PEX5L: variants seen among roughly 807,000 people sequenced by gnomAD.
The protein encoded by PEX5L is peroxisomal biogenesis factor 5 like.
PEX5L carries 30 observed loss-of-function variants against 84.0 expected under a neutral mutation model. That is an observed-to-expected ratio of 0.36 (90% CI 0.27 to 0.48). The LOEUF (loss-of-function observed/expected upper bound fraction) is 0.48. Among genes scored for constraint, PEX5L ranks in the 20% least tolerant of loss-of-function variants. The probability of loss-of-function intolerance (pLI) is 0.99; values close to 1 mark genes in which losing one functional copy is unlikely to be tolerated. For missense variants in PEX5L, 533 were observed against 754.6 expected (o/e 0.71, Z 3.44); for synonymous variants, 270 against 283.1 (o/e 0.95, Z 0.46).
chr3:179,798,709 G>GAAAT lies in PEX5L; in HGVS notation c.*3115_*3118dup, dbSNP rs1426223896. The GAAAT allele has an allele frequency of 6.6e-6, 1 of 152,076 alleles. No homozygotes were observed. Among genetic ancestry groups the GAAAT allele is most frequent in the Non-Finnish European group, 1.5e-5 (1 of 68,004 alleles). The allele number at this position is 152,076 out of a possible 1,614,324, so 9.4% of individuals were successfully genotyped here. ...AGCCTTCTCAGAGTACCTCAGAAGGGAAATAAGGATACCCTCCCCTTTCAA... is the reference window on the plus strand; with the variant it reads ...AGCCTTCTCAGAGTACCTCAGAAGGGAAATAAATAAGGATACCCTCCCCTTTCAA... On this transcript the variant is annotated 3_prime_UTR_variant, in exon 15 of 15. Coordinates refer to ENST00000467460, the MANE Select transcript of PEX5L (RefSeq NM_016559.3).
intron 1 of PEX5L, among the ~76,000 whole-genome samples, chr3:179,994,075 T>A (rs9854791): frequency 6.6e-6 from 1 of 152,196 alleles, no homozygotes; most frequent in South Asian, 2.1e-4. Context: ...AATGTCACTT[T>A]CAATGTCTGT....
chr3:179,834,767 T>C (rs982455230), intron 8 of PEX5L, among the ~76,000 whole-genome samples: 1 of 152,182 alleles, frequency 6.6e-6, no homozygotes, highest in African/African-American at 2.4e-5. Context: ...TTAGAATGAT[T>C]GGAAAAGCTA....
At chr3:179,920,855 T>A (rs543860357) in intron 2 of PEX5L, among the ~76,000 whole-genome samples, 26 of 152,310 alleles carry the variant, frequency 1.7e-4, no homozygotes, top group African/African-American at 6.0e-4. Context: ...ATAATGGATA[T>A]AAGTTAACTT....
chr3:180,022,535 T>C (rs1027654664), intron 1 of PEX5L, among the ~76,000 whole-genome samples: 7 of 152,186 alleles, frequency 4.6e-5, no homozygotes, highest in African/African-American at 1.7e-4. Flanking sequence ...AAGTAATACA[T>C]GAAACACTTG....
At chr3:179,853,390 A>C (rs765334809) in intron 8 of PEX5L, among the ~76,000 whole-genome samples, 1 of 152,128 alleles carries the variant, frequency 6.6e-6, no homozygotes, top group East Asian at 1.9e-4. Flanking sequence ...TTGATGAAGG[A>C]GGTATTTTTG....
Position 179,874,572 on chromosome 3 carries a change from T to C in PEX5L, c.630-149A>G, listed in dbSNP as rs550470999. 30 of 536,732 alleles carry C rather than the reference T, an allele frequency of 5.6e-5. No homozygotes were observed. The South Asian group carries it at 7.3e-4, about 13-fold the overall frequency. The allele number at this position is 536,732 out of a possible 1,614,324, so 33.2% of individuals were successfully genotyped here. A position where few individuals can be genotyped will look rare whatever the true frequency, so the allele number is the denominator to read the frequency against. On this transcript the variant is annotated intron_variant, in intron 6 of 14. Coordinates refer to ENST00000467460, the MANE Select transcript of PEX5L (RefSeq NM_016559.3). ...TGATGATAGAGATAAGTTTCATGTA[T>C]TTCTATTATAATGGTCACTTTCAGA... is the stretch of plus-strand genomic sequence containing the variant.
intron 8 of PEX5L, among the ~76,000 whole-genome samples, chr3:179,847,501 G>C (rs1175708399): frequency 1.3e-5 from 2 of 152,114 alleles, no homozygotes; most frequent in Non-Finnish European, 2.9e-5. Context: ...GCATATTAAA[G>C]CATATTATAT....
chr3:179,876,495 T>TAA (rs566975818), intron 5 of PEX5L, among the ~76,000 whole-genome samples: 1 of 138,696 alleles, frequency 7.2e-6, no homozygotes, highest in African/African-American at 2.6e-5. Flanking sequence ...AAACTCTGTC[T>TAA]AAAAAAAAAA....
At chr3:179,863,195 G>C (rs1374179082) in intron 7 of PEX5L, among the ~76,000 whole-genome samples, 2 of 152,082 alleles carry the variant, frequency 1.3e-5, no homozygotes, top group Non-Finnish European at 2.9e-5. Flanking sequence ...ACTCAAAATG[G>C]ATTGAAGACT....
chr3:180,005,125 A>T lies in PEX5L; in HGVS notation c.21+31454T>A, dbSNP rs373909596. Among the ~76,000 whole-genome samples, 445 of 152,286 alleles carry T rather than the reference A, an allele frequency of 2.9e-3. 3 individuals carry two copies. Among genetic ancestry groups the T allele is most frequent in the African/African-American group, 9.9e-3 (411 of 41,568 alleles). ...ATAGCAGGAATGTGTAATCTTTCTG[A>T]CTGAAAGAGAAATAATGTATTAAAA... On this transcript the variant is annotated intron_variant, in intron 1 of 14. Transcript: ENST00000467460.
intron 5 of PEX5L, 75 bp downstream of exon 5, chr3:179,879,854 T>C (rs1753631711): frequency 2.0e-6 from 2 of 1,008,052 alleles, no homozygotes; most frequent in South Asian, 1.9e-5. Flanking sequence ...TTTAATGCCA[T>C]TGGTGGAAAT....
chr3:179,946,837 A>G (rs988219833), intron 2 of PEX5L, among the ~76,000 whole-genome samples: 12 of 152,228 alleles, frequency 7.9e-5, no homozygotes, highest in Admixed American at 7.8e-4. Flanking sequence ...AGCTTTTTCC[A>G]GTTTGGGTGG....
chr3:179,850,565 G>T (rs1316810753), intron 8 of PEX5L, among the ~76,000 whole-genome samples: 3 of 152,218 alleles, frequency 2.0e-5, no homozygotes, highest in Admixed American at 1.3e-4. Flanking sequence ...TCTAATCAAT[G>T]TGAGAGCAAA....
intron 2 of PEX5L, among the ~76,000 whole-genome samples, chr3:179,899,847 T>C (rs34712020): frequency 0.15 from 22,555 of 152,170 alleles, 1,791 homozygotes; most frequent in South Asian, 0.3. Context: ...ATGTCAGTAG[T>C]AATTTTCATA....
At chr3:179,810,266 C>CA (rs1438387274) in intron 11 of PEX5L, among the ~76,000 whole-genome samples, 4 of 151,948 alleles carry the variant, frequency 2.6e-5, no homozygotes, top group African/African-American at 9.7e-5. Flanking sequence ...CTCAGCCTCC[C>CA]AAAATGCTGG....
At chr3:179,934,444 C>G (rs1201442595) in intron 2 of PEX5L, among the ~76,000 whole-genome samples, 1 of 152,172 alleles carries the variant, frequency 6.6e-6, no homozygotes, top group Non-Finnish European at 1.5e-5. Context: ...TGAACATTGT[C>G]TCAATTAATC....
intron 8 of PEX5L, among the ~76,000 whole-genome samples, chr3:179,856,428 A>G (rs960574292): frequency 5.3e-5 from 8 of 152,192 alleles, no homozygotes; most frequent in African/African-American, 2.4e-5. Flanking sequence ...GCTTTTTCCA[A>G]ATTTTCACTA....
intron 4 of PEX5L, among the ~76,000 whole-genome samples, chr3:179,886,576 GA>G (rs1464445335): frequency 6.6e-6 from 1 of 152,066 alleles, no homozygotes; most frequent in Non-Finnish European, 1.5e-5. Flanking sequence ...ACTATTATCA[GA>G]CAAATGAAGA....
chr3:179,813,967 C>T (rs564522472), intron 10 of PEX5L, among the ~76,000 whole-genome samples: 183 of 149,200 alleles, frequency 1.2e-3, no homozygotes, highest in Non-Finnish European at 2.4e-3. Flanking sequence ...TGAGCCACCG[C>T]GCCCGGCCAT....
Sources: gnomAD v4.1 joint callset for allele counts (sites outside exome capture counted in the v4.1 genomes callset) on GRCh38, gnomAD v4.1.1 for gene constraint, MANE v1.5 for transcripts, NCBI Gene and HGNC (gene_info 2026-07-23, HGNC 2026-07-21) for gene names.